The following FBXL13 variants were observed in gnomAD, a reference collection of about 807,000 sequenced individuals.
The protein encoded by FBXL13 is F-box and leucine rich repeat protein 13, also known as F-box and leucine-rich repeat protein 13.
Under a neutral mutation model 83.6 loss-of-function variants are expected in FBXL13, and 67 were observed. That is an observed-to-expected ratio of 0.80 (90% CI 0.66 to 0.98). The LOEUF is 0.98. Among genes scored for constraint, FBXL13 ranks in the 50% least tolerant of loss-of-function variants. The pLI is 0.00. For missense variants in FBXL13, 822 were observed against 866.5 expected, an observed-to-expected ratio of 0.95 and a Z score of 0.64; for synonymous variants, 272 against 299.5, an observed-to-expected ratio of 0.91 and a Z score of 0.95.
intron 6 of FBXL13, among the ~76,000 whole-genome samples, chr7:102,978,078 C>T (rs528214425): frequency 9.3e-4 from 141 of 152,254 alleles, no homozygotes; most frequent in South Asian, 3.9e-3. Context: ...GCACGTTGTG[C>T]ACATGTACCC....
chr7:103,021,263 A>G lies in FBXL13; in HGVS notation c.495+3800T>C, dbSNP rs573794968. Among the ~76,000 whole-genome samples the G allele has an allele frequency of 1.8e-4, 28 of 152,274 alleles. 1 individual carries two copies. In the South Asian group the frequency reaches 3.3e-3, roughly 18 times the overall value. On this transcript the variant is annotated intron_variant, in intron 6 of 19. Transcript: ENST00000313221. ...TTCCCTATTTAATAAATGGTGCTGG[A>G]AAAACTGGCTAGCCATATGTAGAAA...
chr7:102,818,002 G>A (rs779898202), intron 19 of FBXL13, among the ~76,000 whole-genome samples: 20 of 152,210 alleles, frequency 1.3e-4, no homozygotes, highest in Non-Finnish European at 2.8e-4. Context: ...TAATAACACT[G>A]TACTGAAGTT....
At chr7:103,045,231 G>T (rs944029669) in intron 2 of FBXL13, among the ~76,000 whole-genome samples, 11 of 152,370 alleles carry the variant, frequency 7.2e-5, no homozygotes, top group African/African-American at 2.6e-4. Flanking sequence ...AATGGTTGAA[G>T]TATGGCTGCT....
intron 6 of FBXL13, among the ~76,000 whole-genome samples, chr7:103,009,743 A>G (rs1791391703): frequency 6.6e-6 from 1 of 152,226 alleles, no homozygotes; most frequent in Admixed American, 6.5e-5. Flanking sequence ...CCAGCCCAGC[A>G]GTCCTGCTTC....
At chr7:102,902,167 G>A (rs1162596233) in intron 11 of FBXL13, among the ~76,000 whole-genome samples, 1 of 152,070 alleles carries the variant, frequency 6.6e-6, no homozygotes, top group East Asian at 1.9e-4. Flanking sequence ...GTTTTGATTT[G>A]CATTTCTCTG....
chr7:102,877,477 A>G (rs1809420439), exon 16 of FBXL13: 5 of 1,597,394 alleles, frequency 3.1e-6, no homozygotes, highest in Non-Finnish European at 4.3e-6. Context: ...CTCATTAGAG[A>G]TGTCTGTTCC....
At chr7:102,842,456 G>A (rs1677485235) in intron 17 of FBXL13, among the ~76,000 whole-genome samples, 1 of 152,220 alleles carries the variant, frequency 6.6e-6, no homozygotes, top group Admixed American at 6.5e-5. Context: ...ATCAACTTTG[G>A]TTGAGCACCA....
intron 17 of FBXL13, among the ~76,000 whole-genome samples, chr7:102,833,365 G>GT (rs1801064529): frequency 6.6e-6 from 1 of 151,306 alleles, no homozygotes; most frequent in African/African-American, 2.4e-5. Context: ...ACAGACCCGA[G>GT]TTTTGCTTTC....
chr7:102,826,483 C>G (rs1799638642), intron 18 of FBXL13, among the ~76,000 whole-genome samples: 1 of 151,492 alleles, frequency 6.6e-6, no homozygotes, highest in Non-Finnish European at 1.5e-5. Flanking sequence ...TGCCTATAAT[C>G]CTAGCATTTT....
Position 102,986,918 on chromosome 7 carries a change from T to TACACACACAC in FBXL13, c.496-18811_496-18802dup, listed in dbSNP as rs140052493. On this transcript the variant is annotated intron_variant, in intron 6 of 19. Transcript: ENST00000313221. Reference sequence around the variant, plus strand: ...TAATGAGTAGATAAAGAAAATGTGATACACACACACACACACACACACATA... The same window carrying TACACACACAC: ...TAATGAGTAGATAAAGAAAATGTGATACACACACACACACACACACACACACACACACATA... Among the ~76,000 whole-genome samples the TACACACACAC allele has an allele frequency of 1.7e-3, 245 of 148,394 alleles. 5 individuals are homozygous for TACACACACAC. In the East Asian group the frequency reaches 0.018, roughly 11 times the overall value.
intron 8 of FBXL13, chr7:102,934,654 T>C: frequency 6.2e-7 from 1 of 1,602,336 alleles, no homozygotes; most frequent in Non-Finnish European, 8.5e-7. Context: ...ATTATGTGTT[T>C]CCCATACAAA....
chr7:102,846,029 G>A (rs1278496010), intron 17 of FBXL13, among the ~76,000 whole-genome samples: 1 of 152,042 alleles, frequency 6.6e-6, no homozygotes, highest in African/African-American at 2.4e-5. Flanking sequence ...TTGTAAAATG[G>A]AATTAAAAGT....
intron 11 of FBXL13, among the ~76,000 whole-genome samples, chr7:102,892,404 T>C (rs1033608854): frequency 6.6e-6 from 1 of 152,240 alleles, no homozygotes; most frequent in Non-Finnish European, 1.5e-5. Flanking sequence ...TGAATAATTT[T>C]AACAACCATT....
At chr7:102,864,326 A>G (rs6465879) in intron 16 of FBXL13, among the ~76,000 whole-genome samples, 28,855 of 151,942 alleles carry the variant, frequency 0.19, 2,996 homozygotes, top group East Asian at 0.42. Flanking sequence ...CCCAAAAGCT[A>G]AAAAGCTTCC....
At chr7:102,962,271 C>G (rs1319457058) in intron 8 of FBXL13, among the ~76,000 whole-genome samples, 1 of 152,082 alleles carries the variant, frequency 6.6e-6, no homozygotes, top group Non-Finnish European at 1.5e-5. Context: ...AAATGCAAAT[C>G]AAAACCACAA....
intron 1 of FBXL13, among the ~76,000 whole-genome samples, chr7:103,059,023 A>C (rs1403776863): frequency 6.6e-6 from 1 of 152,150 alleles, no homozygotes; most frequent in Non-Finnish European, 1.5e-5. Context: ...ACTTTATGAG[A>C]CCAAGGTGGG....
intron 14 of FBXL13, among the ~76,000 whole-genome samples, chr7:102,881,436 CAA>C (rs34979881): frequency 1.2e-3 from 74 of 61,406 alleles, no homozygotes; most frequent in Admixed American, 2.3e-3. Flanking sequence ...GACTCCATCT[CAA>C]AAAAAAAAAA....
intron 6 of FBXL13, among the ~76,000 whole-genome samples, chr7:103,016,466 T>G (rs1271179932): frequency 6.6e-6 from 1 of 151,880 alleles, no homozygotes; most frequent in African/African-American, 2.4e-5. Flanking sequence ...CAGGTTCATC[T>G]CACTGGGGCT....
At chr7:102,825,272 G>A (rs1422995913) in intron 18 of FBXL13, among the ~76,000 whole-genome samples, 3 of 152,120 alleles carry the variant, frequency 2.0e-5, no homozygotes, top group Non-Finnish European at 2.9e-5. Flanking sequence ...AGAGGTAATC[G>A]GGTCATGAAG....
Sources: allele counts gnomAD v4.1 joint callset (sites outside exome capture counted in the v4.1 genomes callset), GRCh38; gene constraint gnomAD v4.1.1; transcripts MANE v1.5; gene names NCBI Gene and HGNC (gene_info 2026-07-23, HGNC 2026-07-21).